Variants in RAD54B observed in about 807,000 individuals in gnomAD.
The protein encoded by RAD54B is RAD54 homolog B.
Under a neutral mutation model 95.8 loss-of-function variants are expected in RAD54B, and 78 were observed. The ratio of observed to expected loss-of-function variants is 0.81; its 90% CI spans 0.68 to 0.98. RAD54B has a LOEUF of 0.98. RAD54B is among the 50% of genes least tolerant of loss of function. The pLI is 0.00. For synonymous variants in RAD54B, 328 were observed against 354.9 expected, an observed-to-expected ratio of 0.92 and a Z score of 0.85; for missense variants, 957 against 1,056.6, an observed-to-expected ratio of 0.91 and a Z score of 1.31.
chr8:94,465,143 G>A (rs1812994053), intron 2 of RAD54B, among the ~76,000 whole-genome samples: 1 of 151,940 alleles, frequency 6.6e-6, no homozygotes, highest in Non-Finnish European at 1.5e-5. Context: ...ATTTTAAAAA[G>A]GAAAGAAAGA....
chr8:94,433,172 A>C (rs1056657884), intron 3 of RAD54B, among the ~76,000 whole-genome samples: 1 of 152,168 alleles, frequency 6.6e-6, no homozygotes, highest in Non-Finnish European at 1.5e-5. Context: ...ATTTGCCCAA[A>C]AAATAAAACA....
intron 2 of RAD54B, among the ~76,000 whole-genome samples, chr8:94,465,473 T>G (rs1004861849): frequency 1.3e-5 from 2 of 152,118 alleles, no homozygotes; most frequent in Non-Finnish European, 1.5e-5. Context: ...TCACAACTAC[T>G]GAGATGCCAA....
At chr8:94,412,610 T>C (rs1396542465) in intron 3 of RAD54B, among the ~76,000 whole-genome samples, 1 of 152,144 alleles carries the variant, frequency 6.6e-6, no homozygotes, top group Non-Finnish European at 1.5e-5. Flanking sequence ...GAAGAGCTCT[T>C]CACTATGTCT....
intron 3 of RAD54B, among the ~76,000 whole-genome samples, chr8:94,444,883 T>C (rs926105213): frequency 2.0e-5 from 3 of 152,186 alleles, no homozygotes; most frequent in African/African-American, 7.2e-5. Context: ...AGCCACTCCT[T>C]TGAAATGTAA....
In RAD54B at chr8:94,408,267, G is replaced by A. The variant is rs556734051; in HGVS notation, c.500-547C>T. Among the ~76,000 whole-genome samples, 187 of 152,206 alleles carry A rather than the reference G, an allele frequency of 1.2e-3. 1 individual carries two copies. Among genetic ancestry groups the A allele is most frequent in the African/African-American group, 4.3e-3 (180 of 41,534 alleles). On this transcript the variant is annotated intron_variant, in intron 4 of 14. Transcript: ENST00000336148. ...TGGAATATTTTGTAATATTAAGCTTGTTTGAATTATTATTAATTTGATGAA... is the reference window on the plus strand; with the variant it reads ...TGGAATATTTTGTAATATTAAGCTTATTTGAATTATTATTAATTTGATGAA...
At chr8:94,446,889 G>A (rs764061427) in intron 3 of RAD54B, among the ~76,000 whole-genome samples, 5 of 151,762 alleles carry the variant, frequency 3.3e-5, no homozygotes, top group African/African-American at 7.3e-5. Flanking sequence ...AAAATTCTAC[G>A]AGGCAGATGG....
chr8:94,390,398 G>A (rs1302626484), intron 10 of RAD54B, among the ~76,000 whole-genome samples: 1 of 151,322 alleles, frequency 6.6e-6, no homozygotes, highest in Non-Finnish European at 1.5e-5. Flanking sequence ...TACTCGGGAG[G>A]CTGAGGCAGG....
intron 3 of RAD54B, among the ~76,000 whole-genome samples, chr8:94,414,883 A>G (rs1353679128): frequency 2.6e-5 from 4 of 152,202 alleles, no homozygotes; most frequent in African/African-American, 4.8e-5. Flanking sequence ...AAACAAATGG[A>G]AGAACATTCC....
chr8:94,439,478 A>G (rs1812344420), intron 3 of RAD54B, among the ~76,000 whole-genome samples: 1 of 152,220 alleles, frequency 6.6e-6, no homozygotes, highest in Admixed American at 6.5e-5. Context: ...CAAACTCTGT[A>G]TAAAATATTT....
intron 2 of RAD54B, among the ~76,000 whole-genome samples, chr8:94,464,838 A>C (rs1812986489): frequency 6.6e-6 from 1 of 152,120 alleles, no homozygotes; most frequent in South Asian, 2.1e-4. Context: ...GAGCCTCCAG[A>C]AGCTTATAAT....
At chr8:94,470,125 A>G (rs984300725) in intron 1 of RAD54B, among the ~76,000 whole-genome samples, 8 of 152,198 alleles carry the variant, frequency 5.3e-5, no homozygotes, top group African/African-American at 1.9e-4. Context: ...AATTTAACCT[A>G]AGGAACTATC....
At chr8:94,409,429 G>A (rs1811475471) in intron 4 of RAD54B, among the ~76,000 whole-genome samples, 1 of 151,560 alleles carries the variant, frequency 6.6e-6, no homozygotes, top group Admixed American at 6.6e-5. Context: ...GGAGTGCAGT[G>A]GCAGGATCAA....
At chr8:94,416,301 A>G (rs1256746357) in intron 3 of RAD54B, among the ~76,000 whole-genome samples, 7 of 151,680 alleles carry the variant, frequency 4.6e-5, no homozygotes, top group African/African-American at 7.3e-5. Context: ...TCACTCATAG[A>G]TGGGAATTGA....
At chr8:94,442,282 T>C (rs942003959) in intron 3 of RAD54B, among the ~76,000 whole-genome samples, 6 of 151,968 alleles carry the variant, frequency 3.9e-5, no homozygotes, top group African/African-American at 1.5e-4. Context: ...GGTACAAAAG[T>C]ACAGTTAAAA....
chr8:94,458,583 T>A (rs1812831146), intron 2 of RAD54B, 147 bp from the exon 3 acceptor site: 3 of 628,136 alleles, frequency 4.8e-6, no homozygotes, highest in Non-Finnish European at 7.3e-6. Context: ...TAAATTAATA[T>A]CTGCTGGGCA....
At chr8:94,379,716 G>C (rs977596845) in intron 12 of RAD54B, among the ~76,000 whole-genome samples, 5 of 152,090 alleles carry the variant, frequency 3.3e-5, no homozygotes, top group Non-Finnish European at 1.5e-5. Flanking sequence ...AAAACCAAAG[G>C]CTTCTCAAAC....
intron 3 of RAD54B, chr8:94,430,190 A>T: frequency 1.7e-6 from 1 of 602,088 alleles, no homozygotes; most frequent in Non-Finnish European, 2.1e-6. Context: ...GTGCGCCTGT[A>T]GTCCCAGCTA....
intron 10 of RAD54B, 76 bp from the exon 11 acceptor site, chr8:94,387,235 G>T: frequency 1.6e-6 from 2 of 1,237,860 alleles, no homozygotes; most frequent in East Asian, 2.5e-5. Context: ...TAAAATTATG[G>T]AAGGAAAAAG....
rs762925688 is a variant in RAD54B at position 94,378,156 on chromosome 8, T to C, written c.2515+24A>G. The C allele has an allele frequency of 6.6e-6, 10 of 1,517,110 alleles. No individual in the cohort carries two copies. In the South Asian group the frequency reaches 1.1e-4, roughly 17 times the overall value. The allele number at this position is 1,517,110 out of a possible 1,614,324, so 94.0% of individuals were successfully genotyped here. A position where few individuals can be genotyped will look rare whatever the true frequency, so the allele number is the denominator to read the frequency against. On this transcript the variant is annotated intron_variant, in intron 14 of 14. Coordinates refer to ENST00000336148, the MANE Select transcript of RAD54B (RefSeq NM_012415.3). ...GAAATAAATTAACTTTACTACATAGTAACAGAATTAAAATATAACTAACCT... is the reference window on the plus strand; with the variant it reads ...GAAATAAATTAACTTTACTACATAGCAACAGAATTAAAATATAACTAACCT...
Sources: gnomAD v4.1 joint callset for allele counts (sites outside exome capture counted in the v4.1 genomes callset) on GRCh38, gnomAD v4.1.1 for gene constraint, MANE v1.5 for transcripts, NCBI Gene and HGNC (gene_info 2026-07-23, HGNC 2026-07-21) for gene names.